The following NSMCE2 variants were observed in gnomAD, a reference collection of about 807,000 sequenced individuals.
NSMCE2 encodes NSE2 SUMO ligase component of SMC5/6 complex, also known as E3 SUMO-protein ligase NSE2.
A neutral mutation model predicts 23.8 loss-of-function variants in NSMCE2; 24 were observed. The observed-to-expected ratio is 1.01, with a 90% CI of 0.73 to 1.42. The LOEUF is 1.42. Among genes scored for constraint, NSMCE2 ranks in the 40% most tolerant of loss-of-function variants. NSMCE2 has a pLI of 0.00. For synonymous variants in NSMCE2, 92 were observed against 94.1 expected (o/e 0.98, Z 0.13); for missense variants, 284 against 296.5 (o/e 0.96, Z 0.31).
At chr8:125,129,148 G>C (rs1819639584) in intron 3 of NSMCE2, among the ~76,000 whole-genome samples, 1 of 152,130 alleles carries the variant, frequency 6.6e-6, no homozygotes, top group Non-Finnish European at 1.5e-5. Context: ...GCCATAGAAT[G>C]AATGTTTGTT....
chr8:125,260,334 A>G (rs1366493948), intron 5 of NSMCE2, among the ~76,000 whole-genome samples: 1 of 152,170 alleles, frequency 6.6e-6, no homozygotes, highest in African/African-American at 2.4e-5. Flanking sequence ...AAAATTAAAG[A>G]TGAAATCATC....
intron 5 of NSMCE2, among the ~76,000 whole-genome samples, chr8:125,283,964 T>C (rs533025286): frequency 4.0e-4 from 61 of 152,122 alleles, no homozygotes; most frequent in Admixed American, 3.3e-4. Flanking sequence ...CCATCCTGGC[T>C]AACATGGTGA....
At chr8:125,174,583 T>C (rs1295458081) in intron 4 of NSMCE2, among the ~76,000 whole-genome samples, 2 of 152,212 alleles carry the variant, frequency 1.3e-5, no homozygotes, top group Non-Finnish European at 2.9e-5. Context: ...CTCATTCAGC[T>C]TCCATCTGTT....
chr8:125,289,755 T>C (rs543988578), intron 5 of NSMCE2, among the ~76,000 whole-genome samples: 1 of 152,322 alleles, frequency 6.6e-6, no homozygotes, highest in African/African-American at 2.4e-5. Context: ...CTTTCTTGAG[T>C]AGGACCTTAA....
intron 1 of NSMCE2, among the ~76,000 whole-genome samples, chr8:125,099,423 T>C (rs1331805927): frequency 1.3e-5 from 2 of 152,026 alleles, no homozygotes; most frequent in Admixed American, 6.6e-5. Context: ...GGCATAGCCC[T>C]GAGGCAGGGC....
chr8:125,110,219 T>C (rs1818661221), intron 3 of NSMCE2, among the ~76,000 whole-genome samples: 1 of 152,212 alleles, frequency 6.6e-6, no homozygotes, highest in Non-Finnish European at 1.5e-5. Context: ...GTTTGGTTAA[T>C]GCTCTGCAAT....
intron 5 of NSMCE2, among the ~76,000 whole-genome samples, chr8:125,291,287 A>G (rs1347152980): frequency 6.6e-6 from 1 of 152,230 alleles, no homozygotes. Context: ...TCATTTTAAC[A>G]CATAAAAAAC....
At chr8:125,121,988 G>T (rs1034198597) in intron 3 of NSMCE2, among the ~76,000 whole-genome samples, 2 of 151,660 alleles carry the variant, frequency 1.3e-5, no homozygotes. Flanking sequence ...CTTCCCAATT[G>T]CAGTAAGCTC....
intron 5 of NSMCE2, among the ~76,000 whole-genome samples, chr8:125,317,284 A>G (rs1033561799): frequency 2.6e-5 from 4 of 151,764 alleles, no homozygotes; most frequent in African/African-American, 4.8e-5. Flanking sequence ...TGCAGCCTCA[A>G]CCTCCTGGGC....
intron 4 of NSMCE2, among the ~76,000 whole-genome samples, chr8:125,154,361 A>G (rs895001151): frequency 6.6e-6 from 1 of 152,154 alleles, no homozygotes; most frequent in Admixed American, 6.6e-5. Context: ...GTATGGGTCA[A>G]CTTACCAACA....
At chr8:125,286,311 A>ATTTTTT (rs369845619) in intron 5 of NSMCE2, among the ~76,000 whole-genome samples, 2 of 98,926 alleles carry the variant, frequency 2.0e-5, no homozygotes, top group African/African-American at 3.0e-5. Context: ...AATACCTTTT[A>ATTTTTT]TTTATTTTTT....
intron 5 of NSMCE2, among the ~76,000 whole-genome samples, chr8:125,343,798 A>C (rs1368558870): frequency 6.6e-6 from 1 of 152,054 alleles, no homozygotes; most frequent in East Asian, 1.9e-4. Flanking sequence ...GATTGAGACC[A>C]TCCTGGCTAA....
chr8:125,357,831 A>G lies in NSMCE2; in HGVS notation c.626+13A>G, dbSNP rs375892728. On this transcript the variant is annotated intron_variant, in intron 7 of 7. Coordinates refer to ENST00000287437, the MANE Select transcript of NSMCE2 (RefSeq NM_173685.4). ...AGAAAAAGGCCTAGTGAGTGGACGC[A>G]GGGAAGGAAGTGGAGCCTTCCCTAG... 1.0e-5 allele frequency: 16 copies of G among 1,581,798 alleles called. No homozygotes were observed. Among genetic ancestry groups the G allele is most frequent in the Non-Finnish European group, 1.4e-5 (16 of 1,150,614 alleles).
intron 5 of NSMCE2, among the ~76,000 whole-genome samples, chr8:125,268,573 C>G (rs1001151540): frequency 2.6e-5 from 4 of 152,140 alleles, no homozygotes; most frequent in African/African-American, 9.7e-5. Context: ...GTTGGGGATG[C>G]AGACCTGGAA....
At chr8:125,362,512 C>T (rs1391116088) in intron 7 of NSMCE2, among the ~76,000 whole-genome samples, 1 of 152,272 alleles carries the variant, frequency 6.6e-6, no homozygotes, top group African/African-American at 2.4e-5. Flanking sequence ...GACTGGTGCA[C>T]GGCAGGACCT....
intron 5 of NSMCE2, among the ~76,000 whole-genome samples, chr8:125,217,486 G>A (rs939569558): frequency 1.3e-5 from 2 of 151,832 alleles, no homozygotes; most frequent in Non-Finnish European, 2.9e-5. Context: ...TCAGCCTCCC[G>A]AGTAGCTGGG....
At chr8:125,115,114 T>C (rs1405829602) in intron 3 of NSMCE2, among the ~76,000 whole-genome samples, 1 of 152,230 alleles carries the variant, frequency 6.6e-6, no homozygotes, top group East Asian at 1.9e-4. Flanking sequence ...TCTCTTTAAA[T>C]GCTTTTTGAG....
At chr8:125,127,639 T>G (rs528558895) in intron 3 of NSMCE2, among the ~76,000 whole-genome samples, 2 of 152,276 alleles carry the variant, frequency 1.3e-5, no homozygotes, top group African/African-American at 4.8e-5. Context: ...TGGAGTTTGT[T>G]GAGCATTACC....
At chr8:125,340,024 T>TTG (rs1830187718) in intron 5 of NSMCE2, among the ~76,000 whole-genome samples, 1 of 144,362 alleles carries the variant, frequency 6.9e-6, no homozygotes, top group East Asian at 2.0e-4. Flanking sequence ...TTTTTTTTTT[T>TTG]TTTTTTTTGA....
Sources: gnomAD v4.1 joint callset for allele counts (sites outside exome capture counted in the v4.1 genomes callset) on GRCh38, gnomAD v4.1.1 for gene constraint, MANE v1.5 for transcripts, NCBI Gene and HGNC (gene_info 2026-07-23, HGNC 2026-07-21) for gene names.